The following NBAS variants were observed in gnomAD, a reference collection of about 807,000 sequenced individuals.
NBAS encodes the protein NAG/BC035112 fusion.
In NBAS, 219 loss-of-function variants were observed where a neutral mutation model predicts 302.5. The ratio of observed to expected loss-of-function variants is 0.72; its 90% CI spans 0.65 to 0.81. The LOEUF (loss-of-function observed/expected upper bound fraction) is 0.81. Among genes scored for constraint, NBAS ranks in the 30% least tolerant of loss-of-function variants. NBAS has a pLI of 0.00. For synonymous variants in NBAS, 1,118 were observed against 1,021.6 expected (o/e 1.09, Z -1.80); for missense variants, 2,932 against 2,841.6 (o/e 1.03, Z -0.72).
intron 48 of NBAS, among the ~76,000 whole-genome samples, chr2:15,214,499 G>T (rs1206344915): frequency 2.0e-5 from 3 of 152,202 alleles, no homozygotes; most frequent in Admixed American, 6.5e-5. Flanking sequence ...TATAAAGTAT[G>T]ACTGCTGAAC....
At chr2:14,916,061 C>T in the NBAS span, among the ~76,000 whole-genome samples, 6 of 152,108 alleles carry the variant, frequency 3.9e-5, no homozygotes, top group East Asian at 1.9e-4. Context: ...AGCATGAAAA[C>T]GGACTAATAC....
At chr2:14,846,830 A>T in the NBAS span, among the ~76,000 whole-genome samples, 1 of 152,282 alleles carries the variant, frequency 6.6e-6, no homozygotes, top group African/African-American at 2.4e-5. Context: ...ACACAAAAAA[A>T]TTAAAAGTTA....
chr2:15,096,314 A>G, the NBAS span, among the ~76,000 whole-genome samples: 1 of 152,170 alleles, frequency 6.6e-6, no homozygotes, highest in Non-Finnish European at 1.5e-5. Flanking sequence ...ACAGAGACAA[A>G]TTAGGTAATT....
At chr2:15,070,002 C>CCA in the NBAS span, among the ~76,000 whole-genome samples, 2 of 151,950 alleles carry the variant, frequency 1.3e-5, no homozygotes, top group African/African-American at 2.4e-5. Flanking sequence ...AGAACCCCCC[C>CCA]ACCATGAGAA....
intron 3 of NBAS, among the ~76,000 whole-genome samples, chr2:15,555,363 T>C (rs866676663): frequency 1.1e-4 from 16 of 151,772 alleles, no homozygotes; most frequent in African/African-American, 3.9e-4. Context: ...ATAATGAAGA[T>C]ACAAAACATG....
At chr2:14,842,158 A>C in the NBAS span, among the ~76,000 whole-genome samples, 1 of 151,944 alleles carries the variant, frequency 6.6e-6, no homozygotes, top group Admixed American at 6.6e-5. Flanking sequence ...AATACAACAT[A>C]AAAAGTCTTG....
At chr2:15,530,630 T>C (rs1172897296) in intron 9 of NBAS, among the ~76,000 whole-genome samples, 2 of 151,992 alleles carry the variant, frequency 1.3e-5, no homozygotes, top group Non-Finnish European at 2.9e-5. Flanking sequence ...TTACTTCTCT[T>C]TTTTCCACAA....
chr2:14,881,227 G>A, the NBAS span, among the ~76,000 whole-genome samples: 16 of 152,174 alleles, frequency 1.1e-4, no homozygotes, highest in East Asian at 2.1e-3. Flanking sequence ...TATCTATGGC[G>A]GCCATTATCC....
At chr2:14,851,428 G>A in the NBAS span, among the ~76,000 whole-genome samples, 27 of 151,732 alleles carry the variant, frequency 1.8e-4, no homozygotes, top group African/African-American at 6.3e-4. Flanking sequence ...TGAAATTGTG[G>A]CAATAATCAA....
chr2:14,915,115 G>A, the NBAS span, among the ~76,000 whole-genome samples: 1 of 152,234 alleles, frequency 6.6e-6, no homozygotes, highest in Non-Finnish European at 1.5e-5. Flanking sequence ...GATGGAACTG[G>A]CCCTGGAGGG....
At chr2:15,231,170 C>G (rs1365072956) in intron 47 of NBAS, among the ~76,000 whole-genome samples, 2 of 152,194 alleles carry the variant, frequency 1.3e-5, no homozygotes, top group Non-Finnish European at 2.9e-5. Flanking sequence ...AGAGTAAACC[C>G]CATGAATCAT....
chr2:14,865,185 G>A, the NBAS span, among the ~76,000 whole-genome samples: 3 of 152,144 alleles, frequency 2.0e-5, no homozygotes, highest in Admixed American at 6.5e-5. Flanking sequence ...CAAAATGGTA[G>A]GAGGTGGTGG....
intron 40 of NBAS, among the ~76,000 whole-genome samples, chr2:15,306,071 G>C (rs1462190734): frequency 6.6e-6 from 1 of 152,122 alleles, no homozygotes; most frequent in Non-Finnish European, 1.5e-5. Context: ...GAAATTATTT[G>C]GCACTTGTGT....
At chr2:14,984,833 G>A in the NBAS span, among the ~76,000 whole-genome samples, 1 of 152,174 alleles carries the variant, frequency 6.6e-6, no homozygotes, top group Non-Finnish European at 1.5e-5. Context: ...CTACTTCCAA[G>A]TGGCTGGATG....
chr2:15,164,108 C>G (rs922984032), downstream of NBAS, among the ~76,000 whole-genome samples: 1 of 152,186 alleles, frequency 6.6e-6, no homozygotes, highest in Non-Finnish European at 1.5e-5. Context: ...GGTACTAAAA[C>G]TCTTGAACAG....
chr2:15,330,070 C>A (rs1043196775), intron 36 of NBAS, among the ~76,000 whole-genome samples: 7 of 152,164 alleles, frequency 4.6e-5, no homozygotes, highest in African/African-American at 1.7e-4. Flanking sequence ...GAATGAGATG[C>A]ACATGGAGTG....
chr2:15,218,690 A>G (rs1572468300), intron 48 of NBAS, 83 bp downstream of exon 48: 4 of 1,577,548 alleles, frequency 2.5e-6, no homozygotes, highest in East Asian at 4.5e-5. Flanking sequence ...GGCCTCCCAC[A>G]ATGCTGGGAT....
the NBAS span, among the ~76,000 whole-genome samples, chr2:15,074,420 GGGAA>G: frequency 6.1e-5 from 9 of 147,718 alleles, no homozygotes; most frequent in Non-Finnish European, 9.0e-5. Flanking sequence ...GAAAGAAGGA[GGGAA>G]GGAAGGAAGG....
chr2:15,076,210 G>A, the NBAS span, among the ~76,000 whole-genome samples: 2 of 152,176 alleles, frequency 1.3e-5, no homozygotes, highest in African/African-American at 4.8e-5. Flanking sequence ...AGGAGTGTTT[G>A]CTTTGTCTTA....
Sources: gnomAD v4.1 joint callset for allele counts (sites outside exome capture counted in the v4.1 genomes callset) on GRCh38, gnomAD v4.1.1 for gene constraint, MANE v1.5 for transcripts, NCBI Gene and HGNC (gene_info 2026-07-23, HGNC 2026-07-21) for gene names.